Variants in KLHL29 observed in about 807,000 individuals in gnomAD.
KLHL29 encodes the protein kelch-like protein 29.
In KLHL29, 21 loss-of-function variants were observed where a neutral mutation model predicts 80.4. The ratio of observed to expected loss-of-function variants is 0.26; its 90% CI spans 0.19 to 0.38. The LOEUF (loss-of-function observed/expected upper bound fraction) is 0.38, where lower values mean the gene tolerates loss of function less well. Ranked by LOEUF, KLHL29 falls within the 10% of genes least tolerant of loss-of-function variation. The probability of loss-of-function intolerance (pLI) is 1.00; values close to 1 mark genes in which losing one functional copy is unlikely to be tolerated. For missense variants in KLHL29, 867 were observed against 1,223.9 expected (o/e 0.71, Z 4.35); for synonymous variants, 511 against 526.8 (o/e 0.97, Z 0.41).
At chr2:23,699,221 T>C (rs1286878980) in intron 11 of KLHL29, among the ~76,000 whole-genome samples, 3 of 152,182 alleles carry the variant, frequency 2.0e-5, no homozygotes, top group African/African-American at 7.2e-5. Flanking sequence ...GACTGAGTTA[T>C]GACTGGTGTC....
intron 5 of KLHL29, among the ~76,000 whole-genome samples, chr2:23,678,840 TA>T (rs895173740): frequency 6.6e-6 from 1 of 152,128 alleles, no homozygotes; most frequent in African/African-American, 2.4e-5. Flanking sequence ...ATTCCACTTA[TA>T]AGAGGGTCTA....
At chr2:23,636,877 A>G (rs559533491) in intron 3 of KLHL29, among the ~76,000 whole-genome samples, 9 of 152,078 alleles carry the variant, frequency 5.9e-5, no homozygotes, top group South Asian at 2.1e-4. Flanking sequence ...GGAGACCCCA[A>G]CCTCCTCTCC....
intron 1 of KLHL29, among the ~76,000 whole-genome samples, chr2:23,405,247 AT>A: frequency 6.6e-6 from 1 of 152,170 alleles, no homozygotes; most frequent in South Asian, 2.1e-4. Flanking sequence ...TTTCAACTCC[AT>A]TTTTTCTAAA....
At position 23,600,429 on chromosome 2, in the gene KLHL29, C is replaced by CGACT. The variant is rs780732344; in HGVS notation, c.285+37950_285+37953dup. On this transcript the variant is annotated intron_variant, in intron 3 of 13. Coordinates refer to ENST00000486442, the MANE Select transcript of KLHL29 (RefSeq NM_052920.2). ...AAGATTAGATGCTTGAAAGACTCAGCGACTGTAGCTGCAAGGCCTTGGTCT... is the reference window on the plus strand; with the variant it reads ...AAGATTAGATGCTTGAAAGACTCAGCGACTGACTGTAGCTGCAAGGCCTTGGTCT... Among the ~76,000 whole-genome samples the CGACT allele has an allele frequency of 3.8e-4, 58 of 152,292 alleles. 1 individual carries two copies. Among genetic ancestry groups the CGACT allele is most frequent in the Non-Finnish European group, 6.8e-4 (46 of 68,024 alleles).
intron 2 of KLHL29, among the ~76,000 whole-genome samples, chr2:23,526,781 G>C (rs537412713): frequency 6.6e-6 from 1 of 152,190 alleles, no homozygotes; most frequent in South Asian, 2.1e-4. Context: ...CTCATTAGGA[G>C]ACAGCACCTT....
intron 3 of KLHL29, among the ~76,000 whole-genome samples, chr2:23,591,433 C>T (rs768939950): frequency 6.6e-6 from 1 of 152,096 alleles, no homozygotes; most frequent in Admixed American, 6.5e-5. Flanking sequence ...ACTTCAGACT[C>T]ACTTCTTCCC....
In KLHL29 at chr2:23,682,223, C is replaced by CCGTCACCAT. The variant is rs1219785394; in HGVS notation, c.941-2174_941-2166dup. Among the ~76,000 whole-genome samples the CCGTCACCAT allele has an allele frequency of 6.6e-6, 1 of 152,224 alleles. No homozygotes were observed. Among genetic ancestry groups the CCGTCACCAT allele is most frequent in the East Asian group, 1.9e-4 (1 of 5,202 alleles). On this transcript the variant is annotated intron_variant, in intron 5 of 13. Coordinates refer to ENST00000486442, the MANE Select transcript of KLHL29 (RefSeq NM_052920.2). The surrounding 1 kb of genome is among the most constrained non-coding windows in gnomAD (Gnocchi z 4.1). ...CCTTCTCACCTCTCCCTCGGAAAGACCGTCACCATCAGCAGCACTGCACAC... is the reference window on the plus strand; with the variant it reads ...CCTTCTCACCTCTCCCTCGGAAAGACCGTCACCATCGTCACCATCAGCAGCACTGCACAC...
At chr2:23,427,289 C>T (rs1663030145) in intron 1 of KLHL29, among the ~76,000 whole-genome samples, 1 of 152,164 alleles carries the variant, frequency 6.6e-6, no homozygotes, top group South Asian at 2.1e-4. Flanking sequence ...CTTAACAATA[C>T]GGTGTTACCA....
At chr2:23,469,886 C>T (rs1664448559) in intron 1 of KLHL29, among the ~76,000 whole-genome samples, 1 of 151,746 alleles carries the variant, frequency 6.6e-6, no homozygotes. Context: ...TCCGGTTCTG[C>T]TTCCAGTGAT....
intron 5 of KLHL29, among the ~76,000 whole-genome samples, chr2:23,650,897 G>A (rs1670071558): frequency 6.6e-6 from 1 of 152,184 alleles, no homozygotes; most frequent in South Asian, 2.1e-4. Context: ...CGTGGTATGT[G>A]TGCCGCTTGT....
At chr2:23,663,193 A>C (rs1572476483) in intron 5 of KLHL29, among the ~76,000 whole-genome samples, 1 of 152,314 alleles carries the variant, frequency 6.6e-6, no homozygotes, top group South Asian at 2.1e-4. Context: ...ATGGAGTGAG[A>C]TAGATGGTTG....
chr2:23,565,610 G>A (rs1205715391), intron 3 of KLHL29, among the ~76,000 whole-genome samples: 5 of 151,898 alleles, frequency 3.3e-5, no homozygotes, highest in Admixed American at 1.3e-4. Context: ...CAGCTGTGGC[G>A]CCCTTTCCTC....
In KLHL29 at chr2:23,650,660, A is replaced by C. The variant is rs1384262004; in HGVS notation, c.940+7810A>C. Among the ~76,000 whole-genome samples, 8 of 152,174 alleles carry C rather than the reference A, an allele frequency of 5.3e-5. No individual in the cohort carries two copies. In the East Asian group the frequency reaches 1.5e-3, roughly 29 times the overall value. On this transcript the variant is annotated intron_variant, in intron 5 of 13. Transcript: ENST00000486442. Reference sequence around the variant, plus strand: ...GGGTAGAAAACACTGGGGGCCATTAACCCCTGACAGGGAAATCAGGTGCAC... The same window carrying C: ...GGGTAGAAAACACTGGGGGCCATTACCCCCTGACAGGGAAATCAGGTGCAC...
chr2:23,520,709 A>G (rs1365203430), intron 2 of KLHL29, among the ~76,000 whole-genome samples: 2 of 152,218 alleles, frequency 1.3e-5, no homozygotes, highest in Non-Finnish European at 2.9e-5. Context: ...TTCACAGTGG[A>G]TGAAAGTTTT....
intron 13 of KLHL29, among the ~76,000 whole-genome samples, chr2:23,704,775 G>C (rs773081112): frequency 1.5e-4 from 23 of 152,124 alleles, no homozygotes; most frequent in Non-Finnish European, 3.1e-4. Context: ...TCACAAAAAA[G>C]AAGGGGCCTC....
intron 1 of KLHL29, among the ~76,000 whole-genome samples, chr2:23,438,487 C>G (rs967680305): frequency 1.7e-4 from 24 of 141,988 alleles, no homozygotes; most frequent in African/African-American, 4.5e-4. Flanking sequence ...TACGTCCCAT[C>G]AATACCTAAT....
At chr2:23,563,118 T>A (rs1186815271) in intron 3 of KLHL29, among the ~76,000 whole-genome samples, 1 of 152,246 alleles carries the variant, frequency 6.6e-6, no homozygotes, top group African/African-American at 2.4e-5. Context: ...CACAGCTGGC[T>A]TCAGGGATGT....
At chr2:23,656,650 G>A (rs1424593604) in intron 5 of KLHL29, among the ~76,000 whole-genome samples, 1 of 152,218 alleles carries the variant, frequency 6.6e-6, no homozygotes, top group Non-Finnish European at 1.5e-5. Context: ...CGGTCTGTCT[G>A]TGATGCCCGC....
intron 13 of KLHL29, 83 bp downstream of exon 13, chr2:23,703,946 C>G (rs1406979166): frequency 7.1e-7 from 1 of 1,405,720 alleles, no homozygotes; most frequent in Admixed American, 2.3e-5. Flanking sequence ...TTCCTGCCAT[C>G]AGTGACCATA....
Sources: gnomAD v4.1 joint callset for allele counts (sites outside exome capture counted in the v4.1 genomes callset) on GRCh38, gnomAD v4.1.1 for gene constraint, Gnocchi (gnomAD v3.1) non-coding constraint, MANE v1.5 for transcripts, NCBI Gene and HGNC (gene_info 2026-07-23, HGNC 2026-07-21) for gene names.